The following DIAPH3 variants were observed in gnomAD, a reference collection of about 807,000 sequenced individuals.
DIAPH3 encodes the protein diaphanous related formin 3, also known as protein diaphanous homolog 3.
In DIAPH3, 117 loss-of-function variants were observed where a neutral mutation model predicts 144.3. That is an observed-to-expected ratio of 0.81 (90% CI 0.70 to 0.95). DIAPH3 has a LOEUF of 0.95. Among genes scored for constraint, DIAPH3 ranks in the 40% least tolerant of loss-of-function variants. The pLI, the probability that DIAPH3 is intolerant of heterozygous loss-of-function variation, is 0.00. For missense variants in DIAPH3, 1,421 were observed against 1,412.7 expected, an observed-to-expected ratio of 1.01 and a Z score of -0.09; for synonymous variants, 519 against 488.9, an observed-to-expected ratio of 1.06 and a Z score of -0.81.
chr13:59,726,428 C>A (rs1302233919), intron 27 of DIAPH3, among the ~76,000 whole-genome samples: 4 of 152,162 alleles, frequency 2.6e-5, no homozygotes, highest in Non-Finnish European at 5.9e-5. Context: ...CGGTCCCAGA[C>A]AATGGCTAGG....
At chr13:59,704,234 C>T (rs1052387514) in intron 27 of DIAPH3, among the ~76,000 whole-genome samples, 1 of 152,204 alleles carries the variant, frequency 6.6e-6, no homozygotes, top group African/African-American at 2.4e-5. Context: ...ACACAACTGC[C>T]GAAACGTGGC....
chr13:60,076,850 T>C (rs1411970969), intron 4 of DIAPH3, among the ~76,000 whole-genome samples: 2 of 152,172 alleles, frequency 1.3e-5, no homozygotes, highest in African/African-American at 2.4e-5. Context: ...TATTCACTCA[T>C]TTATCTTGTT....
intron 27 of DIAPH3, among the ~76,000 whole-genome samples, chr13:59,669,951 A>G (rs1234243929): frequency 1.3e-5 from 2 of 152,162 alleles, no homozygotes; most frequent in African/African-American, 2.4e-5. Context: ...CAAGGATTGC[A>G]TATCTATTTT....
chr13:59,677,190 T>A (rs17057010), intron 27 of DIAPH3, among the ~76,000 whole-genome samples: 21,072 of 152,056 alleles, frequency 0.14, 2,501 homozygotes, highest in African/African-American at 0.32. Context: ...TTGCTTCACT[T>A]AATGTTTTAA....
At chr13:59,926,453 A>G (rs1467015072) in intron 17 of DIAPH3, among the ~76,000 whole-genome samples, 1 of 152,166 alleles carries the variant, frequency 6.6e-6, no homozygotes, top group African/African-American at 2.4e-5. Flanking sequence ...TTTTGCTACA[A>G]ACTTCCCTCC....
intron 20 of DIAPH3, among the ~76,000 whole-genome samples, chr13:59,882,338 C>T (rs2045115600): frequency 6.6e-6 from 1 of 152,306 alleles, no homozygotes; most frequent in Admixed American, 6.5e-5. Context: ...GATCCACCCA[C>T]TTGGGCTTCC....
At chr13:60,141,043 G>A (rs1594767075) in intron 1 of DIAPH3, among the ~76,000 whole-genome samples, 1 of 152,042 alleles carries the variant, frequency 6.6e-6, no homozygotes, top group Non-Finnish European at 1.5e-5. Flanking sequence ...TACATCACAA[G>A]CACAAATCCT....
In DIAPH3 at chr13:59,890,106, C is replaced by T. The variant is rs116284908; in HGVS notation, c.2368-10638G>A. Among the ~76,000 whole-genome samples the T allele has an allele frequency of 1.7e-3, 266 of 152,248 alleles. 1 individual carries two copies. The highest frequency in any genetic ancestry group is 6.0e-3 in the African/African-American group (248 of 41,550). On this transcript the variant is annotated intron_variant, in intron 20 of 27. Transcript: ENST00000400324. ...CTGTTCCACTCTCACCCTGTAGCAG[C>T]TGCTATCTGGCTAGTCTTGCTCAGT...
chr13:59,811,239 C>A (rs576438587), intron 24 of DIAPH3, among the ~76,000 whole-genome samples: 1 of 152,114 alleles, frequency 6.6e-6, no homozygotes, highest in East Asian at 1.9e-4. Context: ...CAAATCAAAA[C>A]TGTTTTCTCA....
intron 27 of DIAPH3, among the ~76,000 whole-genome samples, chr13:59,728,442 A>G (rs2031550137): frequency 6.6e-6 from 1 of 152,084 alleles, no homozygotes; most frequent in Admixed American, 6.6e-5. Context: ...ATAAAGATAT[A>G]AAGAGATTTA....
chr13:59,904,452 A>T (rs1279257642), intron 20 of DIAPH3, among the ~76,000 whole-genome samples: 2 of 152,164 alleles, frequency 1.3e-5, no homozygotes, highest in Middle Eastern at 3.2e-3. Flanking sequence ...TTTTAATGCT[A>T]TTCTAAGAAT....
At chr13:60,156,905 G>A in intron 1 of DIAPH3, among the ~76,000 whole-genome samples, 1 of 116,700 alleles carries the variant, frequency 8.6e-6, no homozygotes, top group African/African-American at 3.4e-5. Context: ...GTGGCCCAGA[G>A]ACCCAGATCC....
At chr13:60,028,866 C>T (rs2054574500) in intron 5 of DIAPH3, among the ~76,000 whole-genome samples, 2 of 152,060 alleles carry the variant, frequency 1.3e-5, no homozygotes, top group Non-Finnish European at 1.5e-5. Flanking sequence ...CGAGACCATC[C>T]TGGCCAACAT....
chr13:60,125,394 A>ATTTTTTTTTTTTTTTTTTTTT (rs56267083), intron 2 of DIAPH3, among the ~76,000 whole-genome samples: 13 of 97,860 alleles, frequency 1.3e-4, no homozygotes, highest in South Asian at 3.5e-4. Context: ...CACCCAGCTA[A>ATTTTTTTTTTTTTTTTTTTTT]TTTTTTTTTT....
At chr13:60,074,350 A>G (rs1461590984) in intron 4 of DIAPH3, among the ~76,000 whole-genome samples, 5 of 152,194 alleles carry the variant, frequency 3.3e-5, no homozygotes, top group African/African-American at 1.2e-4. Context: ...CAGAAGAAAG[A>G]CTGGATTATT....
chr13:60,018,661 G>A (rs2053813909), intron 5 of DIAPH3, among the ~76,000 whole-genome samples: 3 of 152,142 alleles, frequency 2.0e-5, no homozygotes, highest in African/African-American at 4.8e-5. Flanking sequence ...CGTGTAAAGA[G>A]GCATTAAACC....
chr13:59,890,586 A>G (rs1298960137), intron 20 of DIAPH3, among the ~76,000 whole-genome samples: 4 of 151,870 alleles, frequency 2.6e-5, no homozygotes, highest in Non-Finnish European at 5.9e-5. Flanking sequence ...TTTTTAAAAT[A>G]CAAAAAAAAA....
chr13:60,146,608 A>C (rs758961940), intron 1 of DIAPH3, among the ~76,000 whole-genome samples: 9 of 152,194 alleles, frequency 5.9e-5, no homozygotes, highest in African/African-American at 9.7e-5. Flanking sequence ...ATTACAGTCT[A>C]TATTGCAGTC....
intron 4 of DIAPH3, among the ~76,000 whole-genome samples, chr13:60,060,618 T>G (rs776218548): frequency 6.6e-6 from 1 of 152,158 alleles, no homozygotes; most frequent in Non-Finnish European, 1.5e-5. Context: ...TGCTTATACT[T>G]CATCCTCTTT....
Sources: allele counts gnomAD v4.1 joint callset (sites outside exome capture counted in the v4.1 genomes callset), GRCh38; gene constraint gnomAD v4.1.1; transcripts MANE v1.5; gene names NCBI Gene and HGNC (gene_info 2026-07-23, HGNC 2026-07-21).